MAGI3: variants seen among roughly 807,000 people sequenced by gnomAD.
MAGI3 encodes the protein membrane-associated guanylate kinase, WW and PDZ domain-containing protein 3.
In MAGI3, 43 loss-of-function variants were observed where a neutral mutation model predicts 121.8. The ratio of observed to expected loss-of-function variants is 0.35; its 90% CI spans 0.28 to 0.46. MAGI3 has a LOEUF of 0.46. MAGI3 is among the 20% of genes least tolerant of loss of function. The pLI, the probability that MAGI3 is intolerant of heterozygous loss-of-function variation, is 1.00. For synonymous variants in MAGI3, 553 were observed against 639.3 expected (o/e 0.86, Z 2.04); for missense variants, 1,547 against 1,797.3 (o/e 0.86, Z 2.52).
intron 19 of MAGI3, among the ~76,000 whole-genome samples, chr1:113,678,257 T>A (rs1648000872): frequency 6.6e-6 from 1 of 152,218 alleles, no homozygotes; most frequent in Non-Finnish European, 1.5e-5. Context: ...AAATACTATC[T>A]ACTTTAATTT....
chr1:113,411,981 C>T (rs529857700), intron 1 of MAGI3, among the ~76,000 whole-genome samples: 1 of 151,836 alleles, frequency 6.6e-6, no homozygotes, highest in Non-Finnish European at 1.5e-5. Flanking sequence ...CCCATCAACT[C>T]GTATTTACAT....
intron 1 of MAGI3, among the ~76,000 whole-genome samples, chr1:113,543,713 CA>C (rs1659397077): frequency 6.6e-6 from 1 of 151,856 alleles, no homozygotes; most frequent in South Asian, 2.1e-4. Flanking sequence ...ACCAAAAATA[CA>C]AAAATTAACC....
chr1:113,580,420 G>C, intron 2 of MAGI3, 122 bp from the exon 3 acceptor site: 7 of 770,252 alleles, frequency 9.1e-6, no homozygotes, highest in Non-Finnish European at 1.3e-5. Flanking sequence ...CCTTAATAAA[G>C]TTGGGGCAGG....
At chr1:113,564,007 T>C (rs1660340202) in intron 2 of MAGI3, among the ~76,000 whole-genome samples, 1 of 152,226 alleles carries the variant, frequency 6.6e-6, no homozygotes, top group African/African-American at 2.4e-5. Flanking sequence ...TTTAGGGTGA[T>C]ATTCTTTAGA....
intron 1 of MAGI3, among the ~76,000 whole-genome samples, chr1:113,426,954 C>CTATA (rs113326366): frequency 3.3e-5 from 5 of 149,460 alleles, no homozygotes; most frequent in African/African-American, 4.9e-5. Context: ...CTGTATCTAT[C>CTATA]TATATATATA....
intron 3 of MAGI3, among the ~76,000 whole-genome samples, chr1:113,581,348 A>G (rs747426607): frequency 6.6e-6 from 1 of 152,116 alleles, no homozygotes; most frequent in Non-Finnish European, 1.5e-5. Flanking sequence ...TATTATCTTC[A>G]GTGCCTAAAG....
chr1:113,420,862 A>G (rs754177599), intron 1 of MAGI3, among the ~76,000 whole-genome samples: 20 of 152,276 alleles, frequency 1.3e-4, no homozygotes, highest in Middle Eastern at 3.4e-3. Flanking sequence ...ATGTCTGTAC[A>G]TGGGGGGAGT....
intron 1 of MAGI3, among the ~76,000 whole-genome samples, chr1:113,482,381 A>T (rs947994396): frequency 6.6e-5 from 10 of 151,274 alleles, no homozygotes; most frequent in African/African-American, 2.2e-4. Flanking sequence ...TTTCATTGAG[A>T]TAGGGTCTCA....
rs1301961783 is a variant in MAGI3 at position 113,391,379 on chromosome 1, G to A, written c.316+30G>A. The A allele has an allele frequency of 6.4e-7, 1 of 1,564,634 alleles. No homozygotes were observed. Among genetic ancestry groups the A allele is most frequent in the Non-Finnish European group, 8.7e-7 (1 of 1,155,712 alleles). On this transcript the variant is annotated intron_variant, in intron 1 of 20. Transcript: ENST00000307546. The surrounding 1 kb of genome is among the most constrained non-coding windows in gnomAD (Gnocchi z 4.4). ...GCCGGCCCTGCGTATCTGTCTCGGG[G>A]TGTTGGGGAGAGGGGCTTCAGGGTG...
intron 2 of MAGI3, among the ~76,000 whole-genome samples, chr1:113,575,058 T>G (rs2101710017): frequency 6.6e-6 from 1 of 152,284 alleles, no homozygotes; most frequent in South Asian, 2.1e-4. Context: ...TGTTTTTCTC[T>G]AAACTGGTTA....
chr1:113,659,356 C>A, intron 16 of MAGI3, 91 bp downstream of exon 16: 2 of 1,263,626 alleles, frequency 1.6e-6, no homozygotes, highest in Non-Finnish European at 1.1e-6. Flanking sequence ...CTGCCAGAAT[C>A]ACTGCGGGGA....
In MAGI3 at chr1:113,635,621, G is replaced by A. The variant is rs991537022; in HGVS notation, c.1361-6290G>A. Among the ~76,000 whole-genome samples, 86 of 150,190 alleles carry A rather than the reference G, an allele frequency of 5.7e-4. 1 individual carries two copies. The highest frequency in any genetic ancestry group is 4.2e-4 in the South Asian group (2 of 4,738). On this transcript the variant is annotated intron_variant, in intron 9 of 20. Coordinates refer to ENST00000307546, the MANE Select transcript of MAGI3 (RefSeq NM_001142782.2). ...AGCTTTTTGATGTGCTGCTGGATTCGGTTTGCCAGTATTTTATTGAGGATT... is the reference window on the plus strand; with the variant it reads ...AGCTTTTTGATGTGCTGCTGGATTCAGTTTGCCAGTATTTTATTGAGGATT...
intron 1 of MAGI3, among the ~76,000 whole-genome samples, chr1:113,452,600 G>T (rs1343184448): frequency 2.0e-5 from 3 of 151,884 alleles, no homozygotes; most frequent in African/African-American, 2.4e-5. Context: ...TGACAATAAA[G>T]GTTGATCTAT....
intron 1 of MAGI3, among the ~76,000 whole-genome samples, chr1:113,534,124 C>T (rs1449132456): frequency 6.6e-6 from 1 of 152,158 alleles, no homozygotes; most frequent in Non-Finnish European, 1.5e-5. Flanking sequence ...TTCACCAATA[C>T]AATTTTCTGC....
At chr1:113,437,887 C>A (rs1653695042) in intron 1 of MAGI3, among the ~76,000 whole-genome samples, 1 of 1,730 alleles carries the variant, frequency 5.8e-4, no homozygotes, top group East Asian at 0.083. Flanking sequence ...TCTCCTTCTC[C>A]TTCTCCTTCT....
intron 9 of MAGI3, among the ~76,000 whole-genome samples, chr1:113,634,137 C>T (rs902782550): frequency 2.6e-5 from 4 of 152,172 alleles, no homozygotes; most frequent in African/African-American, 7.2e-5. Context: ...TGGATATTAG[C>T]CCTTCGTCAG....
chr1:113,649,177 T>A, intron 12 of MAGI3, 60 bp from the exon 13 acceptor site: 1 of 1,330,626 alleles, frequency 7.5e-7, no homozygotes, highest in Non-Finnish European at 1.0e-6. Context: ...TACTGAACTT[T>A]GTTTTGTTTT....
At position 113,391,180 on chromosome 1, in the gene MAGI3, C is replaced by T. The variant is rs377755643; in HGVS notation, c.147C>T (p.Arg49=). ...RGEFPYLGRL[R]EEPGGGTCCV... is the part of the protein sequence containing the mutation. Reference sequence around the variant, plus strand: ...AGTTCCCCTACCTGGGGCGGCTCCGCGAGGAGCCCGGCGGGGGCACCTGCT... The same window carrying T: ...AGTTCCCCTACCTGGGGCGGCTCCGTGAGGAGCCCGGCGGGGGCACCTGCT... Residue 49 remains arginine, a synonymous_variant, in exon 1 of 21, where the codon CGC becomes CGT. Coordinates refer to ENST00000307546, the MANE Select transcript of MAGI3 (RefSeq NM_001142782.2). This position sits in a 1 kb window ranked among gnomAD's most constrained non-coding sequence, Gnocchi z 4.4. 4.5e-5 allele frequency: 70 copies of T among 1,552,598 alleles called. No individual in the cohort carries two copies. The highest frequency in any genetic ancestry group is 1.4e-4 in the Admixed American group (7 of 51,140).
In MAGI3 at chr1:113,390,831, G is replaced by A; in HGVS notation, c.-203G>A. The A allele has an allele frequency of 7.6e-6, 2 of 262,150 alleles. No homozygotes were observed. Among genetic ancestry groups the A allele is most frequent in the Non-Finnish European group, 1.4e-5 (2 of 140,310 alleles). 16.2% of individuals were successfully genotyped at this position (262,150 alleles called of 1,614,324 possible). Reference sequence around the variant, plus strand: ...AGTCCGGTCAGCCCCGGGGAGCGCAGCCGGGAGGGGCGTCCAAGGGGCGTC... The same window carrying A: ...AGTCCGGTCAGCCCCGGGGAGCGCAACCGGGAGGGGCGTCCAAGGGGCGTC... On this transcript the variant is annotated 5_prime_UTR_variant, in exon 1 of 21. Coordinates refer to ENST00000307546, the MANE Select transcript of MAGI3 (RefSeq NM_001142782.2).
Sources: gnomAD v4.1 joint callset for allele counts (sites outside exome capture counted in the v4.1 genomes callset) on GRCh38, gnomAD v4.1.1 for gene constraint, Gnocchi (gnomAD v3.1) non-coding constraint, MANE v1.5 for transcripts, NCBI Gene and HGNC (gene_info 2026-07-23, HGNC 2026-07-21) for gene names.